HECW2: variants seen among roughly 807,000 people sequenced by gnomAD.
HECW2 encodes HECT, C2 and WW domain containing E3 ubiquitin protein ligase 2.
Under a neutral mutation model 175.2 loss-of-function variants are expected in HECW2, and 61 were observed. That is an observed-to-expected ratio of 0.35 (90% CI 0.28 to 0.43). The LOEUF (loss-of-function observed/expected upper bound fraction) is 0.43. Among genes scored for constraint, HECW2 ranks in the 20% least tolerant of loss-of-function variants. HECW2 has a pLI of 1.00. For missense variants in HECW2, 1,524 were observed against 2,000.5 expected (o/e 0.76, Z 4.54); for synonymous variants, 671 against 731.0 (o/e 0.92, Z 1.32).
At chr2:196,399,176 C>T (rs1319843862) in intron 2 of HECW2, among the ~76,000 whole-genome samples, 1 of 152,100 alleles carries the variant, frequency 6.6e-6, no homozygotes, top group Non-Finnish European at 1.5e-5. Context: ...AATGGGCTTC[C>T]CCAGACTCAG....
chr2:196,583,898 T>A (rs969392295), intron 1 of HECW2, among the ~76,000 whole-genome samples: 5 of 152,190 alleles, frequency 3.3e-5, no homozygotes, highest in Admixed American at 2.6e-4. Flanking sequence ...AAACAATAAC[T>A]AGTGTACCAC....
chr2:196,539,437 C>T (rs1211878771), intron 1 of HECW2, among the ~76,000 whole-genome samples: 1 of 152,106 alleles, frequency 6.6e-6, no homozygotes, highest in Non-Finnish European at 1.5e-5. Flanking sequence ...TGTAGACCAT[C>T]CTGGCTAACA....
chr2:196,424,927 C>G (rs1695500975), intron 2 of HECW2, among the ~76,000 whole-genome samples: 1 of 152,068 alleles, frequency 6.6e-6, no homozygotes, highest in African/African-American at 2.4e-5. Context: ...GAAGAAGATG[C>G]CATCTAGGAC....
intron 2 of HECW2, among the ~76,000 whole-genome samples, chr2:196,374,638 A>G (rs1000638580): frequency 4.6e-5 from 7 of 152,216 alleles, no homozygotes; most frequent in African/African-American, 1.4e-4. Flanking sequence ...TCTTATTTGT[A>G]CTGTGGATTT....
intron 1 of HECW2, among the ~76,000 whole-genome samples, chr2:196,482,917 C>T (rs943955870): frequency 2.6e-5 from 4 of 152,140 alleles, no homozygotes; most frequent in African/African-American, 9.7e-5. Context: ...GTTTCCTTCT[C>T]AGTGTCCTTG....
rs1259253895 is a variant in HECW2 at position 196,240,434 on chromosome 2, C to A, written c.3764+15G>T. On this transcript the variant is annotated intron_variant, in intron 21 of 28. Coordinates refer to ENST00000644978, the MANE Select transcript of HECW2 (RefSeq NM_001348768.2). ...ACAGCCTATGTTCCACAGGCCACTT[C>A]TCTGTTCTACTCACCCTTCCTCCCC... The A allele has an allele frequency of 7.0e-6, 11 of 1,571,820 alleles. No homozygotes were observed. Among genetic ancestry groups the A allele is most frequent in the Non-Finnish European group, 9.5e-6 (11 of 1,153,186 alleles).
intron 17 of HECW2, among the ~76,000 whole-genome samples, chr2:196,269,976 G>A (rs1220725705): frequency 1.3e-5 from 2 of 152,200 alleles, no homozygotes; most frequent in Non-Finnish European, 2.9e-5. Context: ...GGAATTGGAG[G>A]AGGCATGACC....
chr2:196,377,313 C>T (rs1450436830), intron 2 of HECW2, among the ~76,000 whole-genome samples: 1 of 152,118 alleles, frequency 6.6e-6, no homozygotes, highest in African/African-American at 2.4e-5. Flanking sequence ...ATATAAGGTA[C>T]TAAAAATTGT....
chr2:196,270,228 C>A (rs1485141582), intron 17 of HECW2, among the ~76,000 whole-genome samples: 1 of 152,136 alleles, frequency 6.6e-6, no homozygotes, highest in Non-Finnish European at 1.5e-5. Context: ...TAGCCTAGAT[C>A]ATGAAAGTGA....
rs756708723 is a variant in HECW2 at position 196,318,807 on chromosome 2, C to T, written c.2083G>A (p.Glu695Lys). The T allele has an allele frequency of 1.4e-5, 22 of 1,528,446 alleles. No individual in the cohort carries two copies. The highest frequency in any genetic ancestry group is 1.8e-4 in the Middle Eastern group (1 of 5,678). 94.7% of individuals were successfully genotyped at this position (1,528,446 alleles called of 1,614,324 possible). The change falls in exon 9 of 29, where the codon GAA becomes AAA. Residue 695 changes from glutamate to lysine, a missense_variant. Physicochemically the swap from Glu to Lys is moderately conservative, Grantham distance 56. This residue lies in a region of HECW2 where 604 missense variants were observed against 588.3 expected (regional missense o/e 1.03). Transcript: ENST00000644978. ...GTGCACACGGATTCCTGCGACCCTTCGGCAGGGCCACTGCTGGTGGGCTCT... is the reference window on the plus strand; with the variant it reads ...GTGCACACGGATTCCTGCGACCCTTTGGCAGGGCCACTGCTGGTGGGCTCT... ...AAEPTSSGPA[E>K]GSQESVCTAG...
chr2:196,335,651 A>T (rs919926390), intron 3 of HECW2, among the ~76,000 whole-genome samples: 1 of 152,212 alleles, frequency 6.6e-6, no homozygotes, highest in African/African-American at 2.4e-5. Context: ...CTCTTCCAGG[A>T]ATTTATATCA....
intron 21 of HECW2, among the ~76,000 whole-genome samples, chr2:196,237,801 G>C (rs1018323008): frequency 6.6e-6 from 1 of 152,088 alleles, no homozygotes; most frequent in Admixed American, 6.5e-5. Flanking sequence ...GTTGGCTCCT[G>C]GGTTTTTTCA....
intron 2 of HECW2, among the ~76,000 whole-genome samples, chr2:196,401,320 A>G (rs2125205695): frequency 6.6e-6 from 1 of 152,336 alleles, no homozygotes; most frequent in East Asian, 1.9e-4. Context: ...TTGATGTCTA[A>G]GGCATATTGC....
chr2:196,581,752 T>C (rs567614150), intron 1 of HECW2, among the ~76,000 whole-genome samples: 4 of 152,234 alleles, frequency 2.6e-5, no homozygotes, highest in South Asian at 2.1e-4. Flanking sequence ...TGGACTATGA[T>C]AGATGCTAGG....
chr2:196,205,641 G>A (rs1687040513), intron 28 of HECW2, among the ~76,000 whole-genome samples: 1 of 152,080 alleles, frequency 6.6e-6, no homozygotes, highest in East Asian at 1.9e-4. Context: ...ATACTCAAAA[G>A]GATACTTTAG....
At chr2:196,590,331 G>A (rs1250076159) in intron 1 of HECW2, among the ~76,000 whole-genome samples, 1 of 152,158 alleles carries the variant, frequency 6.6e-6, no homozygotes, top group African/African-American at 2.4e-5. Context: ...AGCAACCTCT[G>A]CCTCTGTTAA....
intron 2 of HECW2, among the ~76,000 whole-genome samples, chr2:196,355,043 T>G (rs1407766825): frequency 6.6e-6 from 1 of 152,208 alleles, no homozygotes; most frequent in Non-Finnish European, 1.5e-5. Context: ...AATGCTCAAA[T>G]GGAAAATTAC....
chr2:196,391,415 T>C lies in HECW2; in HGVS notation c.292+41717A>G, dbSNP rs558540673. On this transcript the variant is annotated intron_variant, in intron 2 of 28. Coordinates refer to ENST00000644978, the MANE Select transcript of HECW2 (RefSeq NM_001348768.2). Reference sequence around the variant, plus strand: ...GGCCATCTGCATCTGGCAGGGACCCTGACTGACATAACAATCAATCAAGAA... The same window carrying C: ...GGCCATCTGCATCTGGCAGGGACCCCGACTGACATAACAATCAATCAAGAA... Among the ~76,000 whole-genome samples the C allele has an allele frequency of 5.3e-5, 8 of 152,312 alleles. No homozygotes were observed. In the South Asian group the frequency reaches 1.7e-3, roughly 32 times the overall value.
At chr2:196,582,069 AAATAATAAT>A (rs572551572) in intron 1 of HECW2, among the ~76,000 whole-genome samples, 5 of 150,262 alleles carry the variant, frequency 3.3e-5, no homozygotes, top group Non-Finnish European at 7.4e-5. Context: ...CCATCTCGAA[AAATAATAAT>A]AATAATAATA....
Sources: allele counts gnomAD v4.1 joint callset (sites outside exome capture counted in the v4.1 genomes callset), GRCh38; gene constraint gnomAD v4.1.1; regional missense constraint gnomAD v4.1.1; transcripts MANE v1.5; gene names NCBI Gene and HGNC (gene_info 2026-07-23, HGNC 2026-07-21).